Variants in MACROH2A1 observed in about 807,000 individuals in gnomAD.
The protein encoded by MACROH2A1 is core histone macro-H2A.1.
Under a neutral mutation model 31.6 loss-of-function variants are expected in MACROH2A1, and 2 were observed. That is an observed-to-expected ratio of 0.06 (90% CI 0.03 to 0.20). The LOEUF (loss-of-function observed/expected upper bound fraction) is 0.20, where lower values mean the gene tolerates loss of function less well. Among genes scored for constraint, MACROH2A1 ranks in the 10% least tolerant of loss-of-function variants. The pLI is 1.00. For missense variants in MACROH2A1, 230 were observed against 474.0 expected, an observed-to-expected ratio of 0.49 and a Z score of 4.78; for synonymous variants, 169 against 189.6, an observed-to-expected ratio of 0.89 and a Z score of 0.89.
Position 135,336,937 on chromosome 5 carries a change from C to T in MACROH2A1, c.954-1796G>A, listed in dbSNP as rs922289641. Reference sequence around the variant, plus strand: ...GCTTCTAACTGTGGGCTGGGATCCTCGGTCCTGTTGCAGCCTGTACTTAGG... The same window carrying T: ...GCTTCTAACTGTGGGCTGGGATCCTTGGTCCTGTTGCAGCCTGTACTTAGG... On this transcript the variant is annotated intron_variant, in intron 8 of 8. Transcript: ENST00000511689. Among the ~76,000 whole-genome samples the T allele has an allele frequency of 3.9e-5, 6 of 152,334 alleles. No individual in the cohort carries two copies. The East Asian group carries it at 7.7e-4, about 20-fold the overall frequency.
chr5:135,388,121 C>A (rs1766684568), intron 2 of MACROH2A1, among the ~76,000 whole-genome samples: 1 of 148,520 alleles, frequency 6.7e-6, no homozygotes, highest in African/African-American at 2.5e-5. Context: ...CTAAGAGATG[C>A]AGAAATAAAT....
chr5:135,380,359 T>G (rs186470073), intron 2 of MACROH2A1, among the ~76,000 whole-genome samples: 1 of 152,348 alleles, frequency 6.6e-6, no homozygotes, highest in East Asian at 1.9e-4. Context: ...CTTGGGACTT[T>G]GCACCTAACT....
chr5:135,343,203 C>T (rs765474671), intron 8 of MACROH2A1, 57 bp downstream of exon 8: 3 of 1,607,970 alleles, frequency 1.9e-6, no homozygotes, highest in African/African-American at 2.7e-5. Flanking sequence ...AATTATGGGC[C>T]ATGTGTGCGC....
At position 135,387,202 on chromosome 5, in the gene MACROH2A1, G is replaced by A. The variant is rs114996919; in HGVS notation, c.172+1720C>T. Among the ~76,000 whole-genome samples the A allele has an allele frequency of 1.9e-3, 285 of 149,374 alleles. 2 individuals carry two copies. The highest frequency in any genetic ancestry group is 6.7e-3 in the African/African-American group (271 of 40,472). The stretch of plus-strand genomic sequence containing the variant: ...TAGCTTTCCTGGGTGTGTCACCTAA[G>A]TTCTGGGCTTGTTTCCTCATCTACA... On this transcript the variant is annotated intron_variant, in intron 2 of 8. Transcript: ENST00000511689.
intron 4 of MACROH2A1, among the ~76,000 whole-genome samples, chr5:135,363,715 T>C (rs1289898621): frequency 2.0e-5 from 3 of 152,238 alleles, no homozygotes; most frequent in Non-Finnish European, 4.4e-5. Flanking sequence ...CTGGGTCAAA[T>C]GGTATTTCTA....
chr5:135,336,894 T>G (rs1230123128), intron 8 of MACROH2A1, among the ~76,000 whole-genome samples: 2 of 152,208 alleles, frequency 1.3e-5, no homozygotes, highest in African/African-American at 4.8e-5. Flanking sequence ...GGGGGGCATC[T>G]TTCCAGCAGC....
intron 8 of MACROH2A1, 92 bp downstream of exon 8, chr5:135,343,168 G>A (rs1760206376): frequency 1.2e-6 from 2 of 1,601,036 alleles, no homozygotes; most frequent in East Asian, 2.2e-5. Flanking sequence ...GCCTCCGTGG[G>A]CCTTGCACAG....
intron 2 of MACROH2A1, among the ~76,000 whole-genome samples, chr5:135,384,302 T>TA (rs751135985): frequency 2.6e-5 from 4 of 152,200 alleles, no homozygotes; most frequent in Non-Finnish European, 4.4e-5. Context: ...TGACCTGAGT[T>TA]AGAGACTGGA....
rs139609891 is a variant in MACROH2A1 at position 135,390,793 on chromosome 5, A to C, written c.-33-1667T>G. On this transcript the variant is annotated intron_variant, in intron 1 of 8. Coordinates refer to ENST00000511689, the MANE Select transcript of MACROH2A1 (RefSeq NM_138610.3). ...CAGGACATGCCACGGTCCACACTTA[A>C]CACCTCTCTAATCCCAGGTGCATCT... 7.9e-3 allele frequency among the ~76,000 whole-genome samples: 1,210 copies of C among 152,252 alleles called. 19 individuals carry two copies. Among genetic ancestry groups the C allele is most frequent in the African/African-American group, 0.028 (1,160 of 41,550 alleles).
chr5:135,390,507 A>G (rs1249927804), intron 1 of MACROH2A1, among the ~76,000 whole-genome samples: 2 of 152,238 alleles, frequency 1.3e-5, no homozygotes, highest in African/African-American at 2.4e-5. Flanking sequence ...AACGTAATGC[A>G]TGCTTCAAAG....
chr5:135,374,091 G>C lies in MACROH2A1; in HGVS notation c.173-3949C>G, dbSNP rs1055047816. ...ACCATGGCCAGGGAAAATGGAGGGT[G>C]CCCGACTTAACAAAAGCAGTAACCC... On this transcript the variant is annotated intron_variant, in intron 2 of 8. Transcript: ENST00000511689. Among the ~76,000 whole-genome samples the C allele has an allele frequency of 5.3e-5, 8 of 152,280 alleles. 1 individual carries two copies. The highest frequency in any genetic ancestry group is 4.6e-4 in the Admixed American group (7 of 15,308).
At chr5:135,372,156 T>C (rs1764252416) in intron 2 of MACROH2A1, among the ~76,000 whole-genome samples, 1 of 152,210 alleles carries the variant, frequency 6.6e-6, no homozygotes, top group African/African-American at 2.4e-5. Flanking sequence ...AACTCTGTGC[T>C]TGGCAGGAGG....
At chr5:135,358,791 T>C in intron 5 of MACROH2A1, 2 of 984,260 alleles carry the variant, frequency 2.0e-6, no homozygotes, top group Non-Finnish European at 2.4e-6. Context: ...GAACAGTCAT[T>C]ATTAGCCAAA....
chr5:135,380,841 A>G (rs1765567101), intron 2 of MACROH2A1, among the ~76,000 whole-genome samples: 1 of 152,262 alleles, frequency 6.6e-6, no homozygotes, highest in Non-Finnish European at 1.5e-5. Context: ...AAGAACTAGT[A>G]ACATGGATTA....
intron 1 of MACROH2A1, among the ~76,000 whole-genome samples, chr5:135,397,038 G>A (rs1366583859): frequency 6.6e-6 from 1 of 151,940 alleles, no homozygotes; most frequent in Non-Finnish European, 1.5e-5. Flanking sequence ...CTCTGAAAAG[G>A]CTGTCACAAA....
In MACROH2A1 at chr5:135,334,763, C is replaced by A; in HGVS notation, c.*213G>T. ...GTCAGACACGGTCTGGAACACAGTG[C>A]TTAACAACAGTAATGCCAACTATCA... On this transcript the variant is annotated 3_prime_UTR_variant, in exon 9 of 9. Coordinates refer to ENST00000511689, the MANE Select transcript of MACROH2A1 (RefSeq NM_138610.3). The A allele has an allele frequency of 1.9e-6, 1 of 527,162 alleles. No homozygotes were observed. Among genetic ancestry groups the A allele is most frequent in the Admixed American group, 3.4e-5 (1 of 29,836 alleles). The allele number at this position is 527,162 out of a possible 1,614,324, so 32.7% of individuals were successfully genotyped here.
intron 5 of MACROH2A1, chr5:135,355,146 T>A (rs762342693): frequency 2.2e-6 from 1 of 456,104 alleles, no homozygotes; most frequent in South Asian, 1.5e-5. Flanking sequence ...CAGTGGCCTG[T>A]ATCTGACTCT....
chr5:135,334,661 A>G lies in MACROH2A1; in HGVS notation c.*315T>C. Reference sequence around the variant, plus strand: ...TCCTGGCTTCGGTGACAGGTAAAAGACGCTGTTCTCCCCACTGCTGTGCGT... The same window carrying G: ...TCCTGGCTTCGGTGACAGGTAAAAGGCGCTGTTCTCCCCACTGCTGTGCGT... On this transcript the variant is annotated 3_prime_UTR_variant, in exon 9 of 9. Coordinates refer to ENST00000511689, the MANE Select transcript of MACROH2A1 (RefSeq NM_138610.3). The G allele has an allele frequency of 4.2e-6, 1 of 239,006 alleles. No homozygotes were observed. The allele number at this position is 239,006 out of a possible 1,614,324, so 14.8% of individuals were successfully genotyped here.
intron 6 of MACROH2A1, chr5:135,346,764 G>A (rs999828740): frequency 6.6e-6 from 1 of 152,276 alleles, no homozygotes; most frequent in Non-Finnish European, 1.5e-5. Context: ...AAAGGAGGAT[G>A]TCTAACTGCT....
Sources: gnomAD v4.1 joint callset for allele counts (sites outside exome capture counted in the v4.1 genomes callset) on GRCh38, gnomAD v4.1.1 for gene constraint, MANE v1.5 for transcripts, NCBI Gene and HGNC (gene_info 2026-07-23, HGNC 2026-07-21) for gene names.